The following MEIS2 variants were observed in gnomAD, a reference collection of about 807,000 sequenced individuals.
The protein encoded by MEIS2 is homeobox protein Meis2.
Under a neutral mutation model 58.6 loss-of-function variants are expected in MEIS2, and 9 were observed. That is an observed-to-expected ratio of 0.15 (90% CI 0.09 to 0.27). The LOEUF (loss-of-function observed/expected upper bound fraction) is 0.27. Among genes scored for constraint, MEIS2 ranks in the 10% least tolerant of loss-of-function variants. The probability of loss-of-function intolerance (pLI) is 1.00; values close to 1 mark genes in which losing one functional copy is unlikely to be tolerated. For synonymous variants in MEIS2, 221 were observed against 228.4 expected, an observed-to-expected ratio of 0.97 and a Z score of 0.29; for missense variants, 427 against 635.0, an observed-to-expected ratio of 0.67 and a Z score of 3.52.
chr15:36,899,456 AT>A (rs2141233187), intron 9 of MEIS2, among the ~76,000 whole-genome samples: 1 of 152,298 alleles, frequency 6.6e-6, no homozygotes, highest in South Asian at 2.1e-4. Flanking sequence ...ACTAAAACAA[AT>A]CAAACTAGAA....
intron 8 of MEIS2, among the ~76,000 whole-genome samples, chr15:37,018,588 T>C (rs2061424819): frequency 6.6e-6 from 1 of 151,580 alleles, no homozygotes; most frequent in South Asian, 2.1e-4. Context: ...GTAAGCTGAT[T>C]TGGAGTCCGA....
rs189507205 is a variant in MEIS2, at chr15:36,905,101, G to C, written c.978-8415C>G. 1.3e-3 allele frequency among the ~76,000 whole-genome samples: 200 copies of C among 152,294 alleles called. 1 individual carries two copies. Among genetic ancestry groups the C allele is most frequent in the African/African-American group, 4.6e-3 (193 of 41,566 alleles). On this transcript the variant is annotated intron_variant, in intron 9 of 11. Transcript: ENST00000561208. Reference sequence around the variant, plus strand: ...ACACACAGAGCAATAAACTTTGCCAGAGATGAATTCATTAACACCTGGCTC... The same window carrying C: ...ACACACAGAGCAATAAACTTTGCCACAGATGAATTCATTAACACCTGGCTC...
chr15:37,029,542 A>C (rs1440642795), intron 8 of MEIS2, among the ~76,000 whole-genome samples: 1 of 152,196 alleles, frequency 6.6e-6, no homozygotes, highest in Admixed American at 6.5e-5. Flanking sequence ...ACATTTGTGG[A>C]AATGGACAAG....
intron 9 of MEIS2, among the ~76,000 whole-genome samples, chr15:36,908,586 T>A (rs879883868): frequency 7.9e-5 from 12 of 152,200 alleles, no homozygotes; most frequent in Non-Finnish European, 7.3e-5. Flanking sequence ...TTTAACTTAA[T>A]TTTTAGAAAT....
At chr15:37,002,972 G>C (rs751620321) in intron 8 of MEIS2, among the ~76,000 whole-genome samples, 2 of 152,090 alleles carry the variant, frequency 1.3e-5, no homozygotes, top group African/African-American at 2.4e-5. Flanking sequence ...CAATACCTAA[G>C]TAATATGGAA....
intron 7 of MEIS2, among the ~76,000 whole-genome samples, chr15:37,056,463 G>C (rs1386931248): frequency 6.6e-6 from 1 of 152,134 alleles, no homozygotes; most frequent in Admixed American, 6.5e-5. Flanking sequence ...AGAAAGAAAA[G>C]ATTAAATTGA....
intron 9 of MEIS2, among the ~76,000 whole-genome samples, chr15:36,933,504 C>T (rs2058056093): frequency 6.6e-6 from 1 of 151,326 alleles, no homozygotes; most frequent in South Asian, 2.1e-4. Flanking sequence ...GAAATTGATA[C>T]CTCAGAAAGA....
intron 8 of MEIS2, among the ~76,000 whole-genome samples, chr15:36,998,671 G>C (rs1333802756): frequency 1.3e-5 from 2 of 152,116 alleles, no homozygotes; most frequent in African/African-American, 4.8e-5. Context: ...CATCTGGTTA[G>C]GTTGGCCCAT....
At chr15:36,942,597 G>T (rs2058414193) in intron 9 of MEIS2, among the ~76,000 whole-genome samples, 1 of 152,148 alleles carries the variant, frequency 6.6e-6, no homozygotes, top group Admixed American at 6.5e-5. Context: ...TCTCAATTAA[G>T]TAATTTTTAG....
At chr15:36,952,632 T>TGTGTGTGTGTGTGTGTGC in intron 8 of MEIS2, among the ~76,000 whole-genome samples, 1 of 151,676 alleles carries the variant, frequency 6.6e-6, no homozygotes, top group East Asian at 1.9e-4. Flanking sequence ...TGTGTGTGTG[T>TGTGTGTGTGTGTGTGTGC]GTGTGTGTGT....
intron 9 of MEIS2, among the ~76,000 whole-genome samples, chr15:36,911,043 T>G (rs1394118822): frequency 1.2e-5 from 1 of 83,354 alleles, no homozygotes; most frequent in Non-Finnish European, 2.5e-5. Context: ...CGACTCTGTC[T>G]CAAAAAAAAA....
chr15:36,987,492 G>C lies in MEIS2; in HGVS notation c.901-37092C>G, dbSNP rs144983032. 3.1e-3 allele frequency among the ~76,000 whole-genome samples: 474 copies of C among 152,096 alleles called. 1 individual carries two copies. The highest frequency in any genetic ancestry group is 0.011 in the African/African-American group (450 of 41,464). On this transcript the variant is annotated intron_variant, in intron 8 of 11. Transcript: ENST00000561208. ...ATTTTACCTGCAGCAAGCCCTTCTT[G>C]GGGTGAAATGACACTGGTTGTAAAC...
chr15:37,062,191 T>G (rs7179387), intron 7 of MEIS2, among the ~76,000 whole-genome samples: 93,301 of 152,044 alleles, frequency 0.61, 29,256 homozygotes, highest in South Asian at 0.68. Flanking sequence ...CCAATACTCT[T>G]TGCATGTGGC....
intron 9 of MEIS2, among the ~76,000 whole-genome samples, chr15:36,941,972 A>G (rs1364275470): frequency 6.6e-6 from 1 of 152,180 alleles, no homozygotes; most frequent in Non-Finnish European, 1.5e-5. Context: ...GGAACTTAGG[A>G]GGTCGACATT....
intron 8 of MEIS2, among the ~76,000 whole-genome samples, chr15:36,976,092 TA>T (rs1185792811): frequency 2.0e-5 from 3 of 152,170 alleles, no homozygotes; most frequent in African/African-American, 7.2e-5. Flanking sequence ...AGTTTTATTT[TA>T]TTTTTTTTTG....
At position 37,035,865 on chromosome 15, in the gene MEIS2, T is replaced by C. The variant is rs544945958; in HGVS notation, c.900+949A>G. Among the ~76,000 whole-genome samples the C allele has an allele frequency of 2.2e-3, 340 of 152,318 alleles. 1 individual carries two copies. Among genetic ancestry groups the C allele is most frequent in the African/African-American group, 7.6e-3 (317 of 41,568 alleles). ...ACACTGTAACTAATGTCATTCAGCATGGCAACACACAAGTTGGATAATCAA... is the reference window on the plus strand; with the variant it reads ...ACACTGTAACTAATGTCATTCAGCACGGCAACACACAAGTTGGATAATCAA... On this transcript the variant is annotated intron_variant, in intron 8 of 11. Transcript: ENST00000561208.
At chr15:36,943,902 C>T (rs755662145) in intron 9 of MEIS2, among the ~76,000 whole-genome samples, 4 of 151,966 alleles carry the variant, frequency 2.6e-5, no homozygotes, top group African/African-American at 9.7e-5. Context: ...TTTTAAAAGG[C>T]TCTTGCTGAG....
In MEIS2 at chr15:36,892,042, G is replaced by T; in HGVS notation, c.*131C>A. ...TTGCATTGGTCCTCTGTTGCTTGAT[G>T]AAAAATGACAAAAGTAAAAAATAAT... is the stretch of plus-strand genomic sequence containing the variant. On this transcript the variant is annotated 3_prime_UTR_variant, in exon 12 of 12. Coordinates refer to ENST00000561208, the MANE Select transcript of MEIS2 (RefSeq NM_170675.5). 9.8e-7 allele frequency: 1 copy of T among 1,025,222 alleles called. No individual in the cohort carries two copies. The highest frequency in any genetic ancestry group is 1.5e-6 in the Non-Finnish European group (1 of 682,784). The allele number at this position is 1,025,222 out of a possible 1,614,324, so 63.5% of individuals were successfully genotyped here. A position where few individuals can be genotyped will look rare whatever the true frequency, so the allele number is the denominator to read the frequency against.
chr15:36,934,657 T>C (rs369314259), intron 9 of MEIS2, among the ~76,000 whole-genome samples: 3 of 152,218 alleles, frequency 2.0e-5, no homozygotes, highest in East Asian at 1.9e-4. Flanking sequence ...TCATCTCCTG[T>C]ATGAGCTTTG....
Sources: gnomAD v4.1 joint callset for allele counts (sites outside exome capture counted in the v4.1 genomes callset) on GRCh38, gnomAD v4.1.1 for gene constraint, MANE v1.5 for transcripts, NCBI Gene and HGNC (gene_info 2026-07-23, HGNC 2026-07-21) for gene names.